ZNF654: variants seen among roughly 807,000 people sequenced by gnomAD.
The protein encoded by ZNF654 is zinc finger protein 654.
A neutral mutation model predicts 95.3 loss-of-function variants in ZNF654; 19 were observed. The observed-to-expected ratio is 0.20, with a 90% CI of 0.14 to 0.29. ZNF654 has a LOEUF of 0.29. Ranked by LOEUF, ZNF654 falls within the 10% of genes least tolerant of loss-of-function variation. ZNF654 has a pLI of 1.00. For synonymous variants in ZNF654, 413 were observed against 457.9 expected (o/e 0.90, Z 1.25); for missense variants, 1,046 against 1,341.0 (o/e 0.78, Z 3.44).
intron 3 of ZNF654, among the ~76,000 whole-genome samples, chr3:88,124,772 GTT>G (rs11287888): frequency 9.0e-4 from 132 of 147,138 alleles, no homozygotes; most frequent in Admixed American, 1.6e-3. Flanking sequence ...ACAATACTCA[GTT>G]TTTTTTTTTT....
At chr3:88,133,645 G>C (rs1706596102) in intron 6 of ZNF654, among the ~76,000 whole-genome samples, 1 of 152,080 alleles carries the variant, frequency 6.6e-6, no homozygotes, top group Non-Finnish European at 1.5e-5. Flanking sequence ...TGAGAGTTAG[G>C]AGTTCCTGAG....
rs1707047012 is a variant in ZNF654 at position 88,140,390 on chromosome 3, T to G, written c.2721T>G (p.Thr907=). Residue 907 remains threonine (T), a synonymous_variant, in exon 8 of 9, where the codon ACT becomes ACG. Transcript: ENST00000636215. ...EKDSSSNEKQ[T]ISLPVSTSKS... ...ACTCATCTAGTAATGAGAAACAAAC[T>G]ATTAGTCTGCCAGTTTCTACTAGCA... 6.2e-7 allele frequency: 1 copy of G among 1,613,170 alleles called. No individual in the cohort carries two copies. Among genetic ancestry groups the G allele is most frequent in the South Asian group, 1.1e-5 (1 of 91,012 alleles).
chr3:88,061,707 G>A (rs1706893909), intron 1 of ZNF654, among the ~76,000 whole-genome samples: 1 of 152,140 alleles, frequency 6.6e-6, no homozygotes, highest in African/African-American at 2.4e-5. Context: ...GTCAGTAAGG[G>A]AAGCAGGGGG....
rs1440851783 is a variant in ZNF654 at position 88,129,007 on chromosome 3, G to A, written c.749G>A (p.Arg250Gln). Residue 250 changes from arginine (R) to glutamine (Q), a missense_variant, in exon 5 of 9, where the codon CGG becomes CAG. Physicochemically the swap from Arg to Gln is conservative, Grantham distance 43 (BLOSUM62 1). Transcript: ENST00000636215. Reference protein sequence around the residue: ...FMSPVEDQLFREHLLKTDCKS... With the variant: ...FMSPVEDQLFQEHLLKTDCKS... ...TCACCTGTAGAAGATCAGCTATTCCGGGAGGTATTGTTTGAGACTATTTTT... is the reference window on the plus strand; with the variant it reads ...TCACCTGTAGAAGATCAGCTATTCCAGGAGGTATTGTTTGAGACTATTTTT... 17 of 1,530,436 alleles carry A rather than the reference G, an allele frequency of 1.1e-5. No individual in the cohort carries two copies. The highest frequency in any genetic ancestry group is 1.4e-5 in the African/African-American group (1 of 72,690). The allele number at this position is 1,530,436 out of a possible 1,614,324, so 94.8% of individuals were successfully genotyped here. A position where few individuals can be genotyped will look rare whatever the true frequency, so the allele number is the denominator to read the frequency against.
At chr3:88,104,775 CAGAACAA>C (rs1311787575) in intron 2 of ZNF654, among the ~76,000 whole-genome samples, 1 of 152,120 alleles carries the variant, frequency 6.6e-6, no homozygotes. Flanking sequence ...AGAGGTCAAA[CAGAACAA>C]TGAATAGACA....
At chr3:88,060,120 T>C (rs1487593069) in intron 1 of ZNF654, among the ~76,000 whole-genome samples, 1 of 151,738 alleles carries the variant, frequency 6.6e-6, no homozygotes, top group African/African-American at 2.4e-5. Context: ...GTGATTGTCT[T>C]TTTTTTTAAC....
rs1706646881 is a variant in ZNF654, at chr3:88,134,371, CT to C, written c.894-686del. On this transcript the variant is annotated intron_variant, in intron 6 of 8. Coordinates refer to ENST00000636215, the MANE Select transcript of ZNF654 (RefSeq NM_001350134.2). ...CTTTTAGATTATGATGCTTTGTACA[CT>C]TTTATGACATGTTTTAAAGAATTCT... 2.0e-5 allele frequency among the ~76,000 whole-genome samples: 3 copies of C among 151,944 alleles called. No homozygotes were observed. The South Asian group carries it at 6.2e-4, about 32-fold the overall frequency.
At chr3:88,109,101 A>G (rs1704923981) in intron 2 of ZNF654, among the ~76,000 whole-genome samples, 1 of 148,686 alleles carries the variant, frequency 6.7e-6, no homozygotes, top group South Asian at 2.2e-4. Flanking sequence ...AGTGGGAGGG[A>G]AGGGGTCTGG....
chr3:88,064,204 G>A (rs1326951208), intron 1 of ZNF654, among the ~76,000 whole-genome samples: 1 of 151,458 alleles, frequency 6.6e-6, no homozygotes, highest in Non-Finnish European at 1.5e-5. Context: ...GCTATCACTG[G>A]CAACTCTTTC....
intron 2 of ZNF654, among the ~76,000 whole-genome samples, chr3:88,104,639 C>T (rs1224210077): frequency 6.6e-6 from 1 of 152,060 alleles, no homozygotes; most frequent in African/African-American, 2.4e-5. Context: ...TGAGATTAGG[C>T]GGGATTTTTA....
intron 2 of ZNF654, among the ~76,000 whole-genome samples, chr3:88,105,762 CT>C (rs1704699008): frequency 6.6e-6 from 1 of 152,082 alleles, no homozygotes; most frequent in African/African-American, 2.4e-5. Flanking sequence ...TATTTTTCTT[CT>C]TGTGACTGAA....
chr3:88,129,883 T>C, intron 6 of ZNF654, 57 bp downstream of exon 6: 1 of 1,317,946 alleles, frequency 7.6e-7, no homozygotes, highest in Non-Finnish European at 9.8e-7. Context: ...GAAAGGAAAT[T>C]GCAGTTTGAA....
chr3:88,122,664 T>A (rs901544788), intron 3 of ZNF654, among the ~76,000 whole-genome samples: 8 of 152,102 alleles, frequency 5.3e-5, no homozygotes, highest in African/African-American at 1.9e-4. Context: ...TAATAAAGGA[T>A]TAAGTTGATA....
chr3:88,141,649 C>T lies in ZNF654; in HGVS notation c.3384C>T (p.Ala1128=). The T allele has an allele frequency of 1.3e-6, 2 of 1,508,496 alleles. No individual in the cohort carries two copies. Among genetic ancestry groups the T allele is most frequent in the Non-Finnish European group, 1.8e-6 (2 of 1,115,218 alleles). The allele number at this position is 1,508,496 out of a possible 1,614,324, so 93.4% of individuals were successfully genotyped here. ...CAGATGTGTTCTGTTTTACAGGTGCCTGATGAAAACGGTTCAGAAAGATCT... is the reference window on the plus strand; with the variant it reads ...CAGATGTGTTCTGTTTTACAGGTGCTTGATGAAAACGGTTCAGAAAGATCT... ...LFGFDSDDES[A] Residue 1128 remains alanine (A), a synonymous_variant, in exon 9 of 9, where the codon GCC becomes GCT. Transcript: ENST00000636215.
intron 3 of ZNF654, among the ~76,000 whole-genome samples, chr3:88,123,031 AAAG>A (rs1349431433): frequency 7.3e-5 from 11 of 151,704 alleles, no homozygotes; most frequent in African/African-American, 2.7e-4. Flanking sequence ...AAAAAAGTAA[AAAG>A]AAAAAAAGAA....
At chr3:88,079,417 T>C (rs1707971366) in intron 1 of ZNF654, among the ~76,000 whole-genome samples, 1 of 152,112 alleles carries the variant, frequency 6.6e-6, no homozygotes, top group African/African-American at 2.4e-5. Context: ...TGCCTTATAA[T>C]ATTTGATGGG....
chr3:88,138,605 A>C, intron 7 of ZNF654, 100 bp from the exon 8 acceptor site: 1 of 638,496 alleles, frequency 1.6e-6, no homozygotes, highest in Non-Finnish European at 2.2e-6. Flanking sequence ...TACTATGTTT[A>C]TTCAGCTTTC....
chr3:88,059,781 T>G (rs1706744881), intron 1 of ZNF654, among the ~76,000 whole-genome samples: 1 of 152,076 alleles, frequency 6.6e-6, no homozygotes, highest in Non-Finnish European at 1.5e-5. Context: ...GAAAGCTCTG[T>G]CCTGACATGC....
At chr3:88,075,622 A>C (rs1372537278) in intron 1 of ZNF654, among the ~76,000 whole-genome samples, 1 of 152,136 alleles carries the variant, frequency 6.6e-6, no homozygotes, top group Non-Finnish European at 1.5e-5. Context: ...GTTCTACTTT[A>C]TTGGCAGAAT....
Sources: gnomAD v4.1 joint callset for allele counts (sites outside exome capture counted in the v4.1 genomes callset) on GRCh38, gnomAD v4.1.1 for gene constraint, MANE v1.5 for transcripts, NCBI Gene and HGNC (gene_info 2026-07-23, HGNC 2026-07-21) for gene names.